The following TRMU variants were observed in gnomAD, a reference collection of about 807,000 sequenced individuals.
TRMU encodes tRNA mitochondrial 2-thiouridylase.
Under a neutral mutation model 46.9 loss-of-function variants are expected in TRMU, and 49 were observed. The observed-to-expected ratio is 1.05, with a 90% CI of 0.83 to 1.33. TRMU has a LOEUF of 1.33. Ranked by LOEUF, TRMU falls within the 40% of genes most tolerant of loss-of-function variation. TRMU has a pLI of 0.00. For missense variants in TRMU, 572 were observed against 532.4 expected, an observed-to-expected ratio of 1.07 and a Z score of -0.73; for synonymous variants, 241 against 200.9, an observed-to-expected ratio of 1.20 and a Z score of -1.69.
chr22:46,337,086 G>A (rs1408009193), intron 1 of TRMU, among the ~76,000 whole-genome samples: 1 of 152,198 alleles, frequency 6.6e-6, no homozygotes, highest in Non-Finnish European at 1.5e-5. Flanking sequence ...GCGTGTGGTG[G>A]TGTAGTTTTG....
rs1226477402 is a variant in TRMU at position 46,352,165 on chromosome 22, C to T, written c.696C>T (p.Phe232=). The T allele has an allele frequency of 6.2e-7, 1 of 1,614,020 alleles. No homozygotes were observed. Among genetic ancestry groups the T allele is most frequent in the African/African-American group, 1.3e-5 (1 of 74,916 alleles). Residue 232 remains phenylalanine, a synonymous_variant, in exon 6 of 11, where the codon TTC becomes TTT. Coordinates refer to ENST00000645190, the MANE Select transcript of TRMU (RefSeq NM_018006.5). ...CFIGKRNFEH[F]LLQYLQPRPG... ...TCGGGAAGAGGAATTTTGAACATTT[C>T]CTTCTTCAGGTGCGTGCTGCTCTTT...
At position 46,338,117 on chromosome 22, in the gene TRMU, C is replaced by A; in HGVS notation, c.248+173C>A. ...CACCCTCGGGGCTCTGTGTTAGAGG[C>A]GAGGCCTGGACCCCACAGCACACCC... On this transcript the variant is annotated intron_variant, in intron 2 of 10. Transcript: ENST00000645190. The surrounding 1 kb of genome is among the most constrained non-coding windows in gnomAD (Gnocchi z 4.5). The A allele has an allele frequency of 1.2e-6, 1 of 833,732 alleles. No homozygotes were observed. The highest frequency in any genetic ancestry group is 1.7e-5 in the African/African-American group (1 of 59,718). The allele number at this position is 833,732 out of a possible 1,614,324, so 51.6% of individuals were successfully genotyped here.
intron 7 of TRMU, 159 bp from the exon 8 acceptor site, chr22:46,353,608 G>C: frequency 1.5e-6 from 1 of 662,090 alleles, no homozygotes; most frequent in African/African-American, 1.8e-5. Context: ...TGCTTGGTCA[G>C]GGCTGGCTTT....
rs1335123101 is a variant in TRMU, at chr22:46,350,634, G to A, written c.651+171G>A. ...AGTTTGCTGAGGCGCACGGTACAGG[G>A]CTCTGCTGACATCGGGAGCAGCCTA... On this transcript the variant is annotated intron_variant, in intron 5 of 10. Transcript: ENST00000645190. This position sits in a 1 kb window ranked among gnomAD's most constrained non-coding sequence, Gnocchi z 4.6. Among the ~76,000 whole-genome samples, 1 of 152,206 alleles carries A rather than the reference G, an allele frequency of 6.6e-6. No individual in the cohort carries two copies. The highest frequency in any genetic ancestry group is 1.5e-5 in the Non-Finnish European group (1 of 68,044).
In TRMU at chr22:46,351,031, T is replaced by C. The variant is rs114303139; in HGVS notation, c.651+568T>C. Among the ~76,000 whole-genome samples, 4,595 of 150,944 alleles carry C rather than the reference T, an allele frequency of 0.03. 244 individuals are homozygous for C. The highest frequency in any genetic ancestry group is 0.1 in the African/African-American group (4,272 of 41,028). On this transcript the variant is annotated intron_variant, in intron 5 of 10. Coordinates refer to ENST00000645190, the MANE Select transcript of TRMU (RefSeq NM_018006.5). This position sits in a 1 kb window ranked among gnomAD's most constrained non-coding sequence, Gnocchi z 6.4. ...CCTAGAAAATGTCTACGGAGGGAGG[T>C]GTAGGACCCTGGGTGGGAAGCACCA...
chr22:46,353,949 C>A, intron 8 of TRMU, 82 bp downstream of exon 8: 1 of 1,322,072 alleles, frequency 7.6e-7, no homozygotes, highest in Non-Finnish European at 1.1e-6. Flanking sequence ...CTTGAGAAGG[C>A]CTCCAGCAGC....
At chr22:46,354,653 T>A (rs545782965) in intron 8 of TRMU, 1 of 152,762 alleles carries the variant, frequency 6.5e-6, no homozygotes, top group Admixed American at 6.5e-5. Context: ...ATCTCCTTAC[T>A]AGGAAGACCT....
At position 46,356,785 on chromosome 22, in the gene TRMU, G is replaced by GCCTGC. The variant is rs1305189491; in HGVS notation, c.1102-53_1102-49dup. 6.9e-6 allele frequency: 11 copies of GCCTGC among 1,604,214 alleles called. No individual in the cohort carries two copies. In the African/African-American group the frequency reaches 1.5e-4, roughly 21 times the overall value. ...CCCCATAGGGGAGCACTCTGCCCCTGCCTGCCCTCGGCTGGCTCCCTGTGG... is the reference window on the plus strand; with the variant it reads ...CCCCATAGGGGAGCACTCTGCCCCTGCCTGCCCTGCCCTCGGCTGGCTCCCTGTGG... On this transcript the variant is annotated intron_variant, in intron 10 of 10. Coordinates refer to ENST00000645190, the MANE Select transcript of TRMU (RefSeq NM_018006.5).
At position 46,350,582 on chromosome 22, in the gene TRMU, G is replaced by A; in HGVS notation, c.651+119G>A. 7.8e-7 allele frequency: 1 copy of A among 1,287,780 alleles called. No individual in the cohort carries two copies. The highest frequency in any genetic ancestry group is 1.1e-6 in the Non-Finnish European group (1 of 902,378). 79.8% of individuals were successfully genotyped at this position (1,287,780 alleles called of 1,614,324 possible). The stretch of plus-strand genomic sequence containing the variant: ...CCCTTCTCCAGGACCTAACATCAAA[G>A]GCGGGCCTTGGAGCAATAGATGGAG... On this transcript the variant is annotated intron_variant, in intron 5 of 10. Transcript: ENST00000645190. This position sits in a 1 kb window ranked among gnomAD's most constrained non-coding sequence, Gnocchi z 4.6.
At chr22:46,354,938 G>C in intron 8 of TRMU, 1 of 186,460 alleles carries the variant, frequency 5.4e-6, no homozygotes, top group South Asian at 1.1e-4. Context: ...GGGCCCCCCA[G>C]ACCAGGGCCA....
Position 46,351,575 on chromosome 22 carries a change from G to A in TRMU, c.652-546G>A. 1.0e-5 allele frequency: 2 copies of A among 192,434 alleles called. No individual in the cohort carries two copies. The highest frequency in any genetic ancestry group is 2.2e-5 in the Non-Finnish European group (2 of 91,374). The allele number at this position is 192,434 out of a possible 1,614,324, so 11.9% of individuals were successfully genotyped here. A position where few individuals can be genotyped will look rare whatever the true frequency, so the allele number is the denominator to read the frequency against. On this transcript the variant is annotated intron_variant, in intron 5 of 10. Coordinates refer to ENST00000645190, the MANE Select transcript of TRMU (RefSeq NM_018006.5). The surrounding 1 kb of genome is among the most constrained non-coding windows in gnomAD (Gnocchi z 6.4). ...TTTCCGTTTCCGGTGTCGCTCTGTG[G>A]TGGGAGCCGCAGGGATGGAAGGGCA...
chr22:46,337,269 C>A (rs2078003206), intron 1 of TRMU, among the ~76,000 whole-genome samples: 1 of 152,048 alleles, frequency 6.6e-6, no homozygotes, highest in African/African-American at 2.4e-5. Flanking sequence ...GTTGGCCTTT[C>A]CAATATTTGG....
chr22:46,353,700 A>T (rs1601984510), intron 7 of TRMU, 67 bp from the exon 8 acceptor site: 2 of 1,473,556 alleles, frequency 1.4e-6, no homozygotes, highest in Admixed American at 3.4e-5. Context: ...ATCTGCCTTC[A>T]TGATGAGGCG....
At position 46,339,988 on chromosome 22, in the gene TRMU, C is replaced by T. The variant is rs2078079321; in HGVS notation, c.248+2044C>T. On this transcript the variant is annotated intron_variant, in intron 2 of 10. Transcript: ENST00000645190. This position sits in a 1 kb window ranked among gnomAD's most constrained non-coding sequence, Gnocchi z 4.8. ...AATACAGGATAAATCTGGGGGAAGACCAAAGGCAGAGAGTCTCAGGAAGTG... is the reference window on the plus strand; with the variant it reads ...AATACAGGATAAATCTGGGGGAAGATCAAAGGCAGAGAGTCTCAGGAAGTG... Among the ~76,000 whole-genome samples, 1 of 151,086 alleles carries T rather than the reference C, an allele frequency of 6.6e-6. No individual in the cohort carries two copies. The highest frequency in any genetic ancestry group is 1.5e-5 in the Non-Finnish European group (1 of 67,836).
At chr22:46,346,321 G>A in intron 3 of TRMU, 101 bp from the exon 4 acceptor site, 1 of 1,461,694 alleles carries the variant, frequency 6.8e-7, no homozygotes, top group Non-Finnish European at 9.2e-7. Context: ...CTCAGCCTAA[G>A]ACTTGGGGTC....
At chr22:46,355,268 C>G in intron 8 of TRMU, 176 bp from the exon 9 acceptor site, 1 of 996,782 alleles carries the variant, frequency 1.0e-6, no homozygotes, top group Non-Finnish European at 1.5e-6. Flanking sequence ...AATGGGGATT[C>G]AAAGGCCCGG....
Position 46,338,041 on chromosome 22 carries a change from G to C in TRMU, c.248+97G>C, listed in dbSNP as rs1017843916. The C allele has an allele frequency of 2.0e-5, 31 of 1,539,052 alleles. No individual in the cohort carries two copies. The African/African-American group carries it at 2.9e-4, about 14-fold the overall frequency. Reference sequence around the variant, plus strand: ...CAGCCAGACCGACGCCTGTGCTGCAGCCCAGCGCTCTCCCTCCACGGTGGT... The same window carrying C: ...CAGCCAGACCGACGCCTGTGCTGCACCCCAGCGCTCTCCCTCCACGGTGGT... On this transcript the variant is annotated intron_variant, in intron 2 of 10. Transcript: ENST00000645190. This position sits in a 1 kb window ranked among gnomAD's most constrained non-coding sequence, Gnocchi z 4.5.
Position 46,342,421 on chromosome 22 carries a change from T to G in TRMU, c.249-841T>G, listed in dbSNP as rs529106863. On this transcript the variant is annotated intron_variant, in intron 2 of 10. Coordinates refer to ENST00000645190, the MANE Select transcript of TRMU (RefSeq NM_018006.5). This position sits in a 1 kb window ranked among gnomAD's most constrained non-coding sequence, Gnocchi z 4.7. The stretch of plus-strand genomic sequence containing the variant: ...CTCCAGGAGCCTCCACAAGTGTAGC[T>G]GTGCAGAAGCTCTCTGAACCCAGTA... Among the ~76,000 whole-genome samples the G allele has an allele frequency of 8.5e-5, 13 of 152,356 alleles. No homozygotes were observed. Among genetic ancestry groups the G allele is most frequent in the Admixed American group, 3.9e-4 (6 of 15,306 alleles).
Position 46,337,954 on chromosome 22 carries a change from G to A in TRMU, c.248+10G>A. 1.2e-6 allele frequency: 2 copies of A among 1,613,834 alleles called. No homozygotes were observed. Among genetic ancestry groups the A allele is most frequent in the Middle Eastern group, 3.3e-4 (2 of 6,062 alleles). On this transcript the variant is annotated intron_variant, in intron 2 of 10. Coordinates refer to ENST00000645190, the MANE Select transcript of TRMU (RefSeq NM_018006.5). ...GGAATGATGTGTTCAGGTGAGTGCG[G>A]GTCACAGCACAAAGGAAGCTTCCTC...
Sources: allele counts gnomAD v4.1 joint callset (sites outside exome capture counted in the v4.1 genomes callset), GRCh38; gene constraint gnomAD v4.1.1; non-coding constraint Gnocchi (gnomAD v3.1); transcripts MANE v1.5; gene names NCBI Gene and HGNC (gene_info 2026-07-23, HGNC 2026-07-21).